The following DIPK2A variants were observed in gnomAD, a reference collection of about 807,000 sequenced individuals.
The protein encoded by DIPK2A is Golgi Protein of 49 kDa.
Under a neutral mutation model 39.0 loss-of-function variants are expected in DIPK2A, and 27 were observed. The observed-to-expected ratio is 0.69, with a 90% CI of 0.51 to 0.96. DIPK2A has a LOEUF of 0.96. DIPK2A is among the 40% of genes least tolerant of loss of function. DIPK2A has a pLI of 0.00. For missense variants in DIPK2A, 528 were observed against 571.3 expected, an observed-to-expected ratio of 0.92 and a Z score of 0.77; for synonymous variants, 298 against 240.8, an observed-to-expected ratio of 1.24 and a Z score of -2.20.
At chr3:143,973,325 G>T in intron 1 of DIPK2A, 1 of 1,539,018 alleles carries the variant, frequency 6.5e-7, no homozygotes. Flanking sequence ...CTGCCTTTCT[G>T]CTTTTATCTG....
chr3:143,973,062 T>C, intron 1 of DIPK2A, 73 bp downstream of exon 1: 5 of 1,496,624 alleles, frequency 3.3e-6, no homozygotes, highest in Non-Finnish European at 4.5e-6. Flanking sequence ...GAGAAGTGGC[T>C]CAGCCAGCGC....
chr3:143,972,196 C>G lies in DIPK2A; in HGVS notation c.-137C>G. On this transcript the variant is annotated 5_prime_UTR_variant, in exon 1 of 3. Coordinates refer to ENST00000315691, the MANE Select transcript of DIPK2A (RefSeq NM_173552.5). ...CTCCCCGTCTTCCTCTCTCACACAC[C>G]TACTCCGCCCTCCGCCCCAGCCCGC... 1 of 726,000 alleles carries G rather than the reference C, an allele frequency of 1.4e-6. No individual in the cohort carries two copies. Among genetic ancestry groups the G allele is most frequent in the Non-Finnish European group, 2.0e-6 (1 of 498,722 alleles). The allele number at this position is 726,000 out of a possible 1,614,324, so 45.0% of individuals were successfully genotyped here.
At chr3:143,982,127 G>A (rs73870994) in intron 1 of DIPK2A, among the ~76,000 whole-genome samples, 8,585 of 152,192 alleles carry the variant, frequency 0.056, 842 homozygotes, top group African/African-American at 0.2. Context: ...GCTTGTGGAT[G>A]CTCTCTACGT....
intron 1 of DIPK2A, among the ~76,000 whole-genome samples, chr3:143,979,702 TG>T (rs1448163682): frequency 6.6e-6 from 1 of 151,822 alleles, no homozygotes; most frequent in African/African-American, 2.4e-5. Flanking sequence ...TGTTTTTTTT[TG>T]GTGGGGGCAG....
rs1310083493 is a variant in DIPK2A, at chr3:143,972,722, C to T, written c.390C>T (p.Thr130=). ...QLDQSICKRA[T]GRPRCDLLQA... is the part of the protein sequence containing the mutation. Reference sequence around the variant, plus strand: ...ACCAGAGCATCTGCAAGCGGGCCACCGGCCGGCCCCGCTGCGACCTGCTGC... The same window carrying T: ...ACCAGAGCATCTGCAAGCGGGCCACTGGCCGGCCCCGCTGCGACCTGCTGC... Residue 130 remains threonine, a synonymous_variant, in exon 1 of 3, where the codon ACC becomes ACT. Transcript: ENST00000315691. 5.7e-6 allele frequency: 9 copies of T among 1,591,814 alleles called. No individual in the cohort carries two copies. Among genetic ancestry groups the T allele is most frequent in the Middle Eastern group, 1.7e-4 (1 of 5,972 alleles).
chr3:143,988,296 C>T (rs564667243), intron 2 of DIPK2A, among the ~76,000 whole-genome samples: 4 of 152,066 alleles, frequency 2.6e-5, no homozygotes, highest in East Asian at 3.9e-4. Flanking sequence ...GGTGGGATCT[C>T]GCTGTGTTGC....
At chr3:143,977,208 G>A (rs1202755614) in intron 1 of DIPK2A, among the ~76,000 whole-genome samples, 1 of 152,038 alleles carries the variant, frequency 6.6e-6, no homozygotes, top group Admixed American at 6.5e-5. Flanking sequence ...CTTTAGAAAA[G>A]TTGATAGATT....
At chr3:143,984,075 C>A (rs1315073340) in intron 1 of DIPK2A, among the ~76,000 whole-genome samples, 1 of 152,218 alleles carries the variant, frequency 6.6e-6, no homozygotes, top group Non-Finnish European at 1.5e-5. Flanking sequence ...TAGCTTCAAA[C>A]TTTTCTTCTG....
rs1420777083 is a variant in DIPK2A, at chr3:143,972,760, G to T, written c.428G>T (p.Arg143Leu). 1.3e-6 allele frequency: 2 copies of T among 1,575,846 alleles called. No homozygotes were observed. The highest frequency in any genetic ancestry group is 1.8e-5 in the Admixed American group (1 of 56,022). Reference protein sequence around the residue: ...PRCDLLQAMPRTEFARLNGDV... With the variant: ...PRCDLLQAMPLTEFARLNGDV... ...TGCGACCTGCTGCAGGCCATGCCCC[G>T]GACCGAGTTCGCGCGCCTCAACGGC... Residue 143 changes from arginine to leucine, a missense_variant, in exon 1 of 3, where the codon CGG becomes CTG. By Grantham distance (102) the Arg-to-Leu change is moderately radical (BLOSUM62 -2). Coordinates refer to ENST00000315691, the MANE Select transcript of DIPK2A (RefSeq NM_173552.5).
Position 143,972,968 on chromosome 3 carries a change from C to T in DIPK2A, c.636C>T (p.Asn212=). 1.9e-6 allele frequency: 3 copies of T among 1,587,286 alleles called. No homozygotes were observed. Among genetic ancestry groups the T allele is most frequent in the Non-Finnish European group, 2.6e-6 (3 of 1,169,908 alleles). ...AGCTGCTGCTGACCCTGGCCTTCAA[C>T]CCCGAGCCGCTGGTGCTACAGGTAG... ...RMQLLLTLAF[N]PEPLVLQSFP... is the part of the protein sequence containing the mutation. Residue 212 remains asparagine (N), a synonymous_variant, in exon 1 of 3, where the codon AAC becomes AAT. Coordinates refer to ENST00000315691, the MANE Select transcript of DIPK2A (RefSeq NM_173552.5).
intron 1 of DIPK2A, among the ~76,000 whole-genome samples, chr3:143,979,968 A>C (rs139894082): frequency 1.3e-5 from 2 of 152,306 alleles, no homozygotes; most frequent in African/African-American, 4.8e-5. Context: ...GAAATTGTTA[A>C]GCTTCTACAG....
rs1421365470 is a variant in DIPK2A, at chr3:143,972,991, T to C, written c.657+2T>C. ...AACCCCGAGCCGCTGGTGCTACAGG[T>C]AGGCGCGGAGCCAGGGCAGGGGGCG... On this transcript the variant is annotated splice_donor_variant, in intron 1 of 2. Transcript: ENST00000315691. LOFTEE classifies it high-confidence loss of function. The C allele has an allele frequency of 6.3e-7, 1 of 1,578,580 alleles. No individual in the cohort carries two copies. Among genetic ancestry groups the C allele is most frequent in the Non-Finnish European group, 8.6e-7 (1 of 1,165,320 alleles).
intron 2 of DIPK2A, among the ~76,000 whole-genome samples, chr3:143,987,727 T>C (rs943067542): frequency 1.3e-5 from 2 of 152,202 alleles, no homozygotes; most frequent in Non-Finnish European, 2.9e-5. Context: ...CTATAAAAAG[T>C]ATATATAAGA....
chr3:143,978,686 A>C (rs28493717), intron 1 of DIPK2A, among the ~76,000 whole-genome samples: 10,695 of 128,730 alleles, frequency 0.083, 1,361 homozygotes, highest in African/African-American at 0.28. Flanking sequence ...ATATATCTAT[A>C]TATATATATA....
chr3:143,986,363 A>G (rs972935980), intron 2 of DIPK2A, among the ~76,000 whole-genome samples: 2 of 152,162 alleles, frequency 1.3e-5, no homozygotes, highest in African/African-American at 4.8e-5. Context: ...CATCTCACCC[A>G]AAACTTTGCT....
chr3:143,976,490 A>G (rs2087729976), intron 1 of DIPK2A, among the ~76,000 whole-genome samples: 3 of 151,254 alleles, frequency 2.0e-5, no homozygotes, highest in Non-Finnish European at 4.4e-5. Context: ...TAAATTTTCC[A>G]TCGTATTTGT....
At position 143,985,802 on chromosome 3, in the gene DIPK2A, A is replaced by C; in HGVS notation, c.917A>C (p.Asp306Ala). The C allele has an allele frequency of 6.2e-7, 1 of 1,613,698 alleles. No individual in the cohort carries two copies. The highest frequency in any genetic ancestry group is 8.5e-7 in the Non-Finnish European group (1 of 1,179,744). Residue 306 changes from aspartate (D) to alanine (A), a missense_variant, in exon 2 of 3, where the codon GAT (aspartate) becomes GCT (alanine). By Grantham distance (126) the Asp-to-Ala change is moderately radical (BLOSUM62 -2). Coordinates refer to ENST00000315691, the MANE Select transcript of DIPK2A (RefSeq NM_173552.5). The part of the protein sequence containing the change: ...GPRDGKVIIV[D>A]AENVLVADKR... Reference sequence around the variant, plus strand: ...AGAGATGGGAAGGTAATCATTGTGGATGCTGAAAATGTTTTGGTTGCTGAC... The same window carrying C: ...AGAGATGGGAAGGTAATCATTGTGGCTGCTGAAAATGTTTTGGTTGCTGAC...
At chr3:143,978,644 A>ATATATATATATATATATC (rs1559854192) in intron 1 of DIPK2A, 2 of 49,700 alleles carry the variant, frequency 4.0e-5, no homozygotes, top group African/African-American at 2.5e-4. Flanking sequence ...ATATATCTAT[A>ATATATATATATATATATC]TATATATATA....
rs2107852625 is a variant in DIPK2A at position 143,991,878 on chromosome 3, A to G, written c.*2037A>G. 6.6e-6 allele frequency: 1 copy of G among 152,350 alleles called. No individual in the cohort carries two copies. The highest frequency in any genetic ancestry group is 1.9e-4 in the East Asian group (1 of 5,190). 9.4% of individuals were successfully genotyped at this position (152,350 alleles called of 1,614,324 possible). ...GAGGTTGTCTGTCTATGGTTTAGCA[A>G]ACATTTGCTTTTCTTTTTGGAAGTG... On this transcript the variant is annotated 3_prime_UTR_variant, in exon 3 of 3. Transcript: ENST00000315691.
Sources: allele counts gnomAD v4.1 joint callset (sites outside exome capture counted in the v4.1 genomes callset), GRCh38; gene constraint gnomAD v4.1.1; transcripts MANE v1.5; gene names NCBI Gene and HGNC (gene_info 2026-07-23, HGNC 2026-07-21).